Variants in CABLES1 observed in about 807,000 individuals in gnomAD.
CABLES1 encodes the protein CDK5 and ABL1 enzyme substrate 1.
In CABLES1, 36 loss-of-function variants were observed where a neutral mutation model predicts 57.8. The observed-to-expected ratio is 0.62, with a 90% CI of 0.48 to 0.82. The LOEUF (loss-of-function observed/expected upper bound fraction) is 0.82. Ranked by LOEUF, CABLES1 falls within the 40% of genes least tolerant of loss-of-function variation. CABLES1 has a pLI of 0.00. For synonymous variants in CABLES1, 374 were observed against 363.0 expected (o/e 1.03, Z -0.35); for missense variants, 767 against 836.6 (o/e 0.92, Z 1.03).
intron 1 of CABLES1, among the ~76,000 whole-genome samples, chr18:23,187,131 C>T (rs745564320): frequency 4.6e-5 from 7 of 152,208 alleles, no homozygotes; most frequent in Non-Finnish European, 1.0e-4. Context: ...CTCCTCAGCT[C>T]GCCTCTGCAC....
chr18:23,216,675 C>T (rs1013542846), intron 4 of CABLES1, among the ~76,000 whole-genome samples: 6 of 152,192 alleles, frequency 3.9e-5, no homozygotes, highest in African/African-American at 9.7e-5. Context: ...TTGAAGATAA[C>T]GACATTTCTG....
intron 3 of CABLES1, among the ~76,000 whole-genome samples, chr18:23,206,841 G>A (rs1263498290): frequency 1.3e-5 from 2 of 148,606 alleles, no homozygotes; most frequent in African/African-American, 5.0e-5. Context: ...TTGCGACGGG[G>A]TCTTGCTCTG....
At chr18:23,221,461 G>A (rs1027964007) in intron 4 of CABLES1, among the ~76,000 whole-genome samples, 3 of 152,194 alleles carry the variant, frequency 2.0e-5, no homozygotes, top group African/African-American at 7.2e-5. Context: ...TGCAGACATT[G>A]GAGTCCCCTC....
chr18:23,148,397 C>T (rs1231474864), intron 1 of CABLES1, among the ~76,000 whole-genome samples: 1 of 152,140 alleles, frequency 6.6e-6, no homozygotes, highest in Non-Finnish European at 1.5e-5. Context: ...GTGCCTTGGC[C>T]TCACCTTTCA....
At chr18:23,162,129 C>T (rs2047009588) in intron 1 of CABLES1, among the ~76,000 whole-genome samples, 1 of 151,764 alleles carries the variant, frequency 6.6e-6, no homozygotes, top group Non-Finnish European at 1.5e-5. Context: ...TGCACCATTG[C>T]ACTCCAGCCT....
chr18:23,250,827 T>A lies in CABLES1; in HGVS notation c.1447-2133T>A, dbSNP rs528570596. 3.5e-4 allele frequency among the ~76,000 whole-genome samples: 54 copies of A among 152,340 alleles called. 1 individual carries two copies. In the South Asian group the frequency reaches 0.011, roughly 30 times the overall value. ...CTCTTCCAGCCAAGTGTTCGAAAACTCTGAACAGGTCTGGTGGAATTGTTG... is the reference window on the plus strand; with the variant it reads ...CTCTTCCAGCCAAGTGTTCGAAAACACTGAACAGGTCTGGTGGAATTGTTG... On this transcript the variant is annotated intron_variant, in intron 7 of 9. Transcript: ENST00000256925.
At chr18:23,175,506 TCTTA>T (rs1260782236) in intron 1 of CABLES1, among the ~76,000 whole-genome samples, 2 of 152,296 alleles carry the variant, frequency 1.3e-5, no homozygotes, top group East Asian at 1.9e-4. Context: ...TTGCATTGCG[TCTTA>T]CTTTGTCACC....
chr18:23,154,211 T>C (rs377245847), intron 1 of CABLES1, among the ~76,000 whole-genome samples: 1 of 152,218 alleles, frequency 6.6e-6, no homozygotes, highest in South Asian at 2.1e-4. Flanking sequence ...TGATCTCACA[T>C]GTGAAGAAGA....
chr18:23,240,996 A>G (rs2047722342), intron 7 of CABLES1, among the ~76,000 whole-genome samples: 1 of 152,236 alleles, frequency 6.6e-6, no homozygotes, highest in South Asian at 2.1e-4. Flanking sequence ...TGATCCAGAT[A>G]TAGAGCATTT....
intron 1 of CABLES1, among the ~76,000 whole-genome samples, chr18:23,178,694 T>A (rs1158815653): frequency 6.6e-6 from 1 of 152,172 alleles, no homozygotes; most frequent in Non-Finnish European, 1.5e-5. Flanking sequence ...AGCTATTAAA[T>A]CCTAGCAGCA....
intron 4 of CABLES1, among the ~76,000 whole-genome samples, chr18:23,224,917 G>A (rs2047517174): frequency 6.6e-6 from 1 of 152,102 alleles, no homozygotes; most frequent in South Asian, 2.1e-4. Context: ...GCCCAGGCTG[G>A]AGTGCAGTAG....
At chr18:23,204,783 A>G (rs537730079) in intron 3 of CABLES1, 9 of 152,450 alleles carry the variant, frequency 5.9e-5, no homozygotes, top group African/African-American at 2.2e-4. Context: ...ATGAAAGCCA[A>G]GCAACAGGGG....
chr18:23,178,708 C>T (rs1471738076), intron 1 of CABLES1, among the ~76,000 whole-genome samples: 1 of 152,170 alleles, frequency 6.6e-6, no homozygotes, highest in South Asian at 2.1e-4. Flanking sequence ...AGCAGCAGTT[C>T]CTGTCAGCTC....
At chr18:23,190,477 G>A (rs1483621011) in intron 2 of CABLES1, 3 of 152,228 alleles carry the variant, frequency 2.0e-5, no homozygotes, top group Non-Finnish European at 2.9e-5. Flanking sequence ...GTTGAGCCTC[G>A]GGATGCAGTG....
chr18:23,191,906 TAAAAAAAAA>T lies in CABLES1; in HGVS notation c.918-2515_918-2507del, dbSNP rs147984743. Among the ~76,000 whole-genome samples, 162 of 82,588 alleles carry T rather than the reference TAAAAAAAAA, an allele frequency of 2.0e-3. 1 individual carries two copies. The highest frequency in any genetic ancestry group is 7.1e-3 in the African/African-American group (146 of 20,602). The allele number at this position is 82,588 out of a possible 152,430, so 54.2% of individuals were successfully genotyped here. On this transcript the variant is annotated intron_variant, in intron 2 of 9. Coordinates refer to ENST00000256925, the MANE Select transcript of CABLES1 (RefSeq NM_001100619.3). ...TTCCCTGGTGATTTGGTTGAATGCTTAAAAAAAAAAAAAAAAAAAAAAAAAAAAAAAAAA... is the reference window on the plus strand; with the variant it reads ...TTCCCTGGTGATTTGGTTGAATGCTTAAAAAAAAAAAAAAAAAAAAAAAAA...
chr18:23,211,488 G>A (rs544359513), intron 3 of CABLES1, among the ~76,000 whole-genome samples: 116 of 152,342 alleles, frequency 7.6e-4, no homozygotes, highest in African/African-American at 2.6e-3. Context: ...GGTCAGGGGT[G>A]TGTGATCTGT....
chr18:23,135,889 G>C lies in CABLES1; in HGVS notation c.127G>C (p.Ala43Pro). 9.5e-7 allele frequency: 1 copy of C among 1,057,224 alleles called. No individual in the cohort carries two copies. Among genetic ancestry groups the C allele is most frequent in the South Asian group, 4.1e-5 (1 of 24,398 alleles). 65.5% of individuals were successfully genotyped at this position (1,057,224 alleles called of 1,614,324 possible). ...GCCCCAGCCTCAGCCCGCGGCCGCC[G>C]CGCCGGCCCAGCCGCCGCCCGAACC... is the stretch of plus-strand genomic sequence containing the variant. ...PQPQPQPAAA[A>P]PAQPPPEPPR... The change falls in exon 1 of 10, where the codon GCG becomes CCG. Residue 43 changes from alanine to proline, a missense_variant. Ala to Pro is a conservative substitution (Grantham distance 27, BLOSUM62 -1). Transcript: ENST00000256925.
chr18:23,174,803 T>C (rs1304460121), intron 1 of CABLES1, among the ~76,000 whole-genome samples: 4 of 138,948 alleles, frequency 2.9e-5, no homozygotes, highest in Non-Finnish European at 4.6e-5. Context: ...ATAATTTGTA[T>C]GTATATACAT....
At chr18:23,156,730 TG>T (rs1223415740) in intron 1 of CABLES1, among the ~76,000 whole-genome samples, 1 of 152,182 alleles carries the variant, frequency 6.6e-6, no homozygotes, top group Non-Finnish European at 1.5e-5. Context: ...TATATATTAT[TG>T]ACTCTTCATT....
Sources: allele counts gnomAD v4.1 joint callset (sites outside exome capture counted in the v4.1 genomes callset), GRCh38; gene constraint gnomAD v4.1.1; transcripts MANE v1.5; gene names NCBI Gene and HGNC (gene_info 2026-07-23, HGNC 2026-07-21).